The following AKAP13 variants were observed in gnomAD, a reference collection of about 807,000 sequenced individuals.
The protein encoded by AKAP13 is A-kinase anchor protein 13.
A neutral mutation model predicts 264.5 loss-of-function variants in AKAP13; 80 were observed. The ratio of observed to expected loss-of-function variants is 0.30; its 90% CI spans 0.25 to 0.36. AKAP13 has a LOEUF of 0.36. Ranked by LOEUF, AKAP13 falls within the 10% of genes least tolerant of loss-of-function variation. The pLI is 1.00. For missense variants in AKAP13, 3,712 were observed against 3,435.2 expected, an observed-to-expected ratio of 1.08 and a Z score of -2.01; for synonymous variants, 1,380 against 1,250.2, an observed-to-expected ratio of 1.10 and a Z score of -2.19.
intron 3 of AKAP13, 94 bp from the exon 4 acceptor site, chr15:85,533,490 G>C: frequency 2.4e-6 from 3 of 1,225,190 alleles, no homozygotes; most frequent in Non-Finnish European, 3.3e-6. Flanking sequence ...GGAGAAATTT[G>C]TATGTCGTGA....
At chr15:85,487,961 G>A (rs2075612175) in intron 2 of AKAP13, among the ~76,000 whole-genome samples, 2 of 152,172 alleles carry the variant, frequency 1.3e-5, no homozygotes, top group South Asian at 4.1e-4. Flanking sequence ...GCAGTGGCGC[G>A]ACCATGACTC....
At chr15:85,542,612 A>G (rs578058957) in intron 4 of AKAP13, among the ~76,000 whole-genome samples, 229 of 152,330 alleles carry the variant, frequency 1.5e-3, no homozygotes, top group African/African-American at 5.0e-3. Context: ...AGGCAGGCAC[A>G]ACTTCAGGGT....
intron 6 of AKAP13, 80 bp from the exon 7 acceptor site, chr15:85,578,850 A>T (rs1025609097): frequency 5.1e-6 from 7 of 1,381,382 alleles, no homozygotes; most frequent in African/African-American, 2.9e-5. Flanking sequence ...AGTTCTGTCC[A>T]ACAGAATTTT....
rs142239115 is a variant in AKAP13, at chr15:85,529,729, C to T, written c.182-3855C>T. Reference sequence around the variant, plus strand: ...CTGCCAAACTGGTGTGGTTGATTTCCGGACAGTAGGGTGAGGTACTTTATT... The same window carrying T: ...CTGCCAAACTGGTGTGGTTGATTTCTGGACAGTAGGGTGAGGTACTTTATT... On this transcript the variant is annotated intron_variant, in intron 3 of 36. Transcript: ENST00000394518. Among the ~76,000 whole-genome samples, 328 of 152,246 alleles carry T rather than the reference C, an allele frequency of 2.2e-3. 2 individuals carry two copies. Among genetic ancestry groups the T allele is most frequent in the East Asian group, 6.2e-3 (32 of 5,182 alleles).
At chr15:85,475,794 C>G (rs1423270144) in intron 1 of AKAP13, among the ~76,000 whole-genome samples, 1 of 152,148 alleles carries the variant, frequency 6.6e-6, no homozygotes, top group Non-Finnish European at 1.5e-5. Context: ...ATAGCTATAA[C>G]TGTGGATCCC....
chr15:85,499,705 A>T (rs1311300316), intron 2 of AKAP13, among the ~76,000 whole-genome samples: 3 of 151,266 alleles, frequency 2.0e-5, no homozygotes, highest in Non-Finnish European at 4.4e-5. Context: ...ATCTTTCAGG[A>T]TTCATTTCCT....
rs150166994 is a variant in AKAP13 at position 85,405,327 on chromosome 15, G to A, written c.-12+24529G>A. Among the ~76,000 whole-genome samples, 182 of 152,228 alleles carry A rather than the reference G, an allele frequency of 1.2e-3. 1 individual carries two copies. The highest frequency in any genetic ancestry group is 4.2e-3 in the African/African-American group (176 of 41,538). On this transcript the variant is annotated intron_variant, in intron 1 of 36. Coordinates refer to ENST00000394518, the MANE Select transcript of AKAP13 (RefSeq NM_007200.5). ...AAAGACCCAGATTCTAGTTTAGTTT[G>A]GCTTCTAGCTCACTTTGTTAACTTT...
chr15:85,629,624 A>G (rs4843087), intron 8 of AKAP13, among the ~76,000 whole-genome samples: 30,845 of 152,100 alleles, frequency 0.2, 4,154 homozygotes, highest in Middle Eastern at 0.42. Flanking sequence ...CTCTCCACAA[A>G]TCACCAAGCC....
chr15:85,714,175 G>A (rs1348618243), intron 19 of AKAP13, among the ~76,000 whole-genome samples: 4 of 152,090 alleles, frequency 2.6e-5, no homozygotes, highest in Non-Finnish European at 5.9e-5. Context: ...AATAAATTAA[G>A]CCAAAGGAAA....
At chr15:85,697,398 G>T (rs141672105) in intron 17 of AKAP13, among the ~76,000 whole-genome samples, 6 of 152,036 alleles carry the variant, frequency 3.9e-5, no homozygotes, top group Non-Finnish European at 7.4e-5. Context: ...GTGAAACCCC[G>T]TCTCTACTAA....
intron 1 of AKAP13, among the ~76,000 whole-genome samples, chr15:85,402,796 C>G (rs757476553): frequency 6.6e-6 from 1 of 152,088 alleles, no homozygotes; most frequent in Non-Finnish European, 1.5e-5. Flanking sequence ...GATTGTGTAG[C>G]TTGGCTAAAC....
chr15:85,449,336 A>G (rs545952739), intron 1 of AKAP13, among the ~76,000 whole-genome samples: 15 of 152,198 alleles, frequency 9.9e-5, no homozygotes, highest in African/African-American at 3.1e-4. Flanking sequence ...GGCCAAGACT[A>G]TGGGGTTTTG....
intron 1 of AKAP13, among the ~76,000 whole-genome samples, chr15:85,403,417 A>G (rs1281976018): frequency 6.6e-6 from 1 of 152,214 alleles, no homozygotes; most frequent in African/African-American, 2.4e-5. Context: ...CATTAGTGCC[A>G]CTCACTACAA....
At position 85,580,729 on chromosome 15, in the gene AKAP13, G is replaced by C. The variant is rs1168508350; in HGVS notation, c.2661G>C (p.Lys887Asn). Residue 887 changes from lysine (K) to asparagine (N), a missense_variant, in exon 7 of 37, where the codon AAG becomes AAC. Physicochemically the swap from Lys to Asn is moderately conservative, Grantham distance 94. Transcript: ENST00000394518. ...PPAIPEALNIKGNTDSSLQSV... is the reference protein window; with the variant it reads ...PPAIPEALNINGNTDSSLQSV... ...CAATCCCAGAAGCTCTGAATATCAA[G>C]GGGAACACTGACTCTTCCCTGCAAA... 1.9e-6 allele frequency: 3 copies of C among 1,614,030 alleles called. No individual in the cohort carries two copies. The South Asian group carries it at 3.3e-5, about 18-fold the overall frequency.
intron 5 of AKAP13, among the ~76,000 whole-genome samples, chr15:85,548,486 T>C (rs1433220715): frequency 6.6e-6 from 1 of 152,214 alleles, no homozygotes; most frequent in Non-Finnish European, 1.5e-5. Context: ...TAAGCTTGCC[T>C]ACTTAGTAGT....
intron 8 of AKAP13, among the ~76,000 whole-genome samples, chr15:85,589,971 G>GTC (rs1466002627): frequency 2.0e-5 from 3 of 152,054 alleles, no homozygotes; most frequent in Non-Finnish European, 4.4e-5. Flanking sequence ...CAGTTTCCTT[G>GTC]TCTCTAATCA....
intron 1 of AKAP13, among the ~76,000 whole-genome samples, chr15:85,474,663 A>G (rs2075089526): frequency 6.6e-6 from 1 of 152,224 alleles, no homozygotes; most frequent in South Asian, 2.1e-4. Flanking sequence ...TATGACATAT[A>G]CAAGTTTTTA....
chr15:85,381,035 G>A (rs997798705), intron 1 of AKAP13, among the ~76,000 whole-genome samples: 17 of 152,060 alleles, frequency 1.1e-4, no homozygotes, highest in Admixed American at 2.0e-4. Context: ...TCTGCTTGGG[G>A]CTCGGCGCGC....
intron 1 of AKAP13, chr15:85,381,774 GA>G (rs1327482007): frequency 6.6e-6 from 1 of 152,050 alleles, no homozygotes; most frequent in Non-Finnish European, 1.5e-5. Context: ...GTTATTTGGA[GA>G]GTTTATTGCT....
Sources: gnomAD v4.1 joint callset for allele counts (sites outside exome capture counted in the v4.1 genomes callset) on GRCh38, gnomAD v4.1.1 for gene constraint, MANE v1.5 for transcripts, NCBI Gene and HGNC (gene_info 2026-07-23, HGNC 2026-07-21) for gene names.